ASAP2: variants seen among roughly 807,000 people sequenced by gnomAD.
ASAP2 encodes the protein ArfGAP with SH3 domain, ankyrin repeat and PH domain 2, also known as arf-GAP with SH3 domain, ANK repeat and PH domain-containing protein 2.
Under a neutral mutation model 131.4 loss-of-function variants are expected in ASAP2, and 45 were observed. The observed-to-expected ratio is 0.34, with a 90% CI of 0.27 to 0.44. The LOEUF is 0.44. ASAP2 is among the 20% of genes least tolerant of loss of function. The pLI, the probability that ASAP2 is intolerant of heterozygous loss-of-function variation, is 1.00. For synonymous variants in ASAP2, 510 were observed against 503.0 expected (o/e 1.01, Z -0.19); for missense variants, 1,011 against 1,297.0 (o/e 0.78, Z 3.39).
In ASAP2 at chr2:9,281,607, C is replaced by A. The variant is rs536581748; in HGVS notation, c.199+2218C>A. Among the ~76,000 whole-genome samples the A allele has an allele frequency of 6.6e-6, 1 of 152,270 alleles. No homozygotes were observed. Among genetic ancestry groups the A allele is most frequent in the East Asian group, 1.9e-4 (1 of 5,188 alleles). ...AACTCTATAGCATTTTTTCATCACC[C>A]TCTTTGAAGTTCGTGGAAGTCAGTT... On this transcript the variant is annotated intron_variant, in intron 2 of 27. Transcript: ENST00000281419. This position sits in a 1 kb window ranked among gnomAD's most constrained non-coding sequence, Gnocchi z 4.0.
intron 16 of ASAP2, among the ~76,000 whole-genome samples, chr2:9,369,910 C>T (rs2709579): frequency 2.0e-5 from 3 of 152,242 alleles, no homozygotes; most frequent in East Asian, 1.9e-4. Context: ...GATGTGATCT[C>T]GGCTCACTGC....
intron 3 of ASAP2, among the ~76,000 whole-genome samples, chr2:9,306,219 G>A (rs62121346): frequency 0.28 from 41,895 of 147,636 alleles, 6,585 homozygotes; most frequent in Non-Finnish European, 0.35. Context: ...TATATACCAC[G>A]TGGAGAGTTG....
intron 3 of ASAP2, among the ~76,000 whole-genome samples, chr2:9,308,289 C>T (rs1318827252): frequency 1.3e-5 from 2 of 152,114 alleles, no homozygotes; most frequent in African/African-American, 2.4e-5. Context: ...TTCGCATGGC[C>T]GTGGGCAGGG....
Position 9,389,328 on chromosome 2 carries a change from C to T in ASAP2, c.2383+782C>T, listed in dbSNP as rs1558395269. Among the ~76,000 whole-genome samples, 2 of 152,202 alleles carry T rather than the reference C, an allele frequency of 1.3e-5. No individual in the cohort carries two copies. The highest frequency in any genetic ancestry group is 3.9e-4 in the East Asian group (2 of 5,178). On this transcript the variant is annotated intron_variant, in intron 22 of 27. Coordinates refer to ENST00000281419, the MANE Select transcript of ASAP2 (RefSeq NM_003887.3). The surrounding 1 kb of genome is among the most constrained non-coding windows in gnomAD (Gnocchi z 4.7). ...AGGCTGCTGAGACTTTGATGCGGGG[C>T]GGGGGGCCCAGGAAGGACAAGAGTC...
chr2:9,215,927 A>C (rs1047733966), intron 1 of ASAP2, among the ~76,000 whole-genome samples: 1 of 152,092 alleles, frequency 6.6e-6, no homozygotes, highest in Admixed American at 6.5e-5. Context: ...GCAGCTTCTC[A>C]TCTGATCCCA....
chr2:9,297,022 G>T (rs10153576), intron 2 of ASAP2, among the ~76,000 whole-genome samples: 14,050 of 152,180 alleles, frequency 0.092, 670 homozygotes, highest in African/African-American at 0.13. Flanking sequence ...AGGTGGAAAT[G>T]TTGTGTGTCC....
At chr2:9,315,761 G>A (rs972943214) in intron 3 of ASAP2, among the ~76,000 whole-genome samples, 1 of 152,128 alleles carries the variant, frequency 6.6e-6, no homozygotes, top group African/African-American at 2.4e-5. Context: ...TCCTAAGACC[G>A]CACCTTAAAC....
Position 9,297,447 on chromosome 2 carries a change from T to C in ASAP2, c.345+2T>C. On this transcript the variant is annotated splice_donor_variant, in intron 3 of 27. Transcript: ENST00000281419. LOFTEE classifies it high-confidence loss of function. ...TTGACAGCACTTTTCAAAAACCTGG[T>C]AAGCAGCTCTGTGTATGAAATGCTG... 1 of 1,614,144 alleles carries C rather than the reference T, an allele frequency of 6.2e-7. No individual in the cohort carries two copies. The highest frequency in any genetic ancestry group is 8.5e-7 in the Non-Finnish European group (1 of 1,179,972).
chr2:9,223,443 T>C (rs1662562328), intron 1 of ASAP2, among the ~76,000 whole-genome samples: 10 of 152,336 alleles, frequency 6.6e-5, no homozygotes, highest in Admixed American at 6.5e-4. Flanking sequence ...GGCTTCATTT[T>C]TGCCCCTAAT....
At chr2:9,280,920 G>A (rs1366451832) in intron 2 of ASAP2, among the ~76,000 whole-genome samples, 2 of 152,162 alleles carry the variant, frequency 1.3e-5, no homozygotes, top group African/African-American at 4.8e-5. Flanking sequence ...AGAGTTCTGG[G>A]TGTTCCCAAG....
chr2:9,385,678 TCA>T (rs1675206612), intron 21 of ASAP2, among the ~76,000 whole-genome samples: 1 of 152,198 alleles, frequency 6.6e-6, no homozygotes, highest in Non-Finnish European at 1.5e-5. Context: ...TGGAGTCATG[TCA>T]TAAAGAGCCA....
intron 1 of ASAP2, among the ~76,000 whole-genome samples, chr2:9,260,830 C>T (rs970190617): frequency 6.6e-6 from 1 of 152,168 alleles, no homozygotes; most frequent in Admixed American, 6.5e-5. Flanking sequence ...GGAAGAGCCC[C>T]GGATTGTGTA....
At chr2:9,269,052 G>C (rs946804794) in intron 1 of ASAP2, among the ~76,000 whole-genome samples, 1 of 152,144 alleles carries the variant, frequency 6.6e-6, no homozygotes, top group African/African-American at 2.4e-5. Context: ...CCAGGGCTCA[G>C]CAAACCTTTT....
At chr2:9,352,915 C>T (rs4401187) in intron 12 of ASAP2, among the ~76,000 whole-genome samples, 137,076 of 152,186 alleles carry the variant, frequency 0.9, 63,167 homozygotes, top group Non-Finnish European at 1. Flanking sequence ...TCCTCCTTCC[C>T]TGCTTGTCTT....
rs139091519 is a variant in ASAP2 at position 9,281,619 on chromosome 2, C to T, written c.199+2230C>T. 5.9e-5 allele frequency among the ~76,000 whole-genome samples: 9 copies of T among 152,262 alleles called. No individual in the cohort carries two copies. The highest frequency in any genetic ancestry group is 1.2e-4 in the Non-Finnish European group (8 of 68,028). On this transcript the variant is annotated intron_variant, in intron 2 of 27. Coordinates refer to ENST00000281419, the MANE Select transcript of ASAP2 (RefSeq NM_003887.3). This position sits in a 1 kb window ranked among gnomAD's most constrained non-coding sequence, Gnocchi z 4.0. ...TTTTTTCATCACCCTCTTTGAAGTTCGTGGAAGTCAGTTCCAGAGCATGGG... is the reference window on the plus strand; with the variant it reads ...TTTTTTCATCACCCTCTTTGAAGTTTGTGGAAGTCAGTTCCAGAGCATGGG...
At chr2:9,349,900 G>C (rs1346578637) in intron 11 of ASAP2, among the ~76,000 whole-genome samples, 1 of 152,130 alleles carries the variant, frequency 6.6e-6, no homozygotes, top group East Asian at 1.9e-4. Flanking sequence ...TTTTCATCTT[G>C]AAGTGACCGG....
intron 1 of ASAP2, among the ~76,000 whole-genome samples, chr2:9,264,455 C>T (rs1665804238): frequency 6.6e-6 from 1 of 152,160 alleles, no homozygotes; most frequent in Non-Finnish European, 1.5e-5. Flanking sequence ...GAGTCCCCAG[C>T]TCTGACGGCC....
chr2:9,219,978 G>A (rs1395193752), intron 1 of ASAP2, among the ~76,000 whole-genome samples: 1 of 152,046 alleles, frequency 6.6e-6, no homozygotes, highest in Non-Finnish European at 1.5e-5. Flanking sequence ...TTTGTGTCTG[G>A]CTTCCTTTAT....
At chr2:9,291,071 C>G (rs1400819789) in intron 2 of ASAP2, among the ~76,000 whole-genome samples, 1 of 152,128 alleles carries the variant, frequency 6.6e-6, no homozygotes, top group Non-Finnish European at 1.5e-5. Flanking sequence ...CTGCTCCTAC[C>G]ATATTCCTAT....
Sources: gnomAD v4.1 joint callset for allele counts (sites outside exome capture counted in the v4.1 genomes callset) on GRCh38, gnomAD v4.1.1 for gene constraint, Gnocchi (gnomAD v3.1) non-coding constraint, MANE v1.5 for transcripts, NCBI Gene and HGNC (gene_info 2026-07-23, HGNC 2026-07-21) for gene names.